Variants in AUTS2 observed in about 807,000 individuals in gnomAD.
The protein encoded by AUTS2 is autism susceptibility gene 2 protein.
In AUTS2, 17 loss-of-function variants were observed where a neutral mutation model predicts 112.4. The ratio of observed to expected loss-of-function variants is 0.15; its 90% confidence interval spans 0.10 to 0.23. The LOEUF is 0.23. AUTS2 is among the 10% of genes least tolerant of loss of function. The probability of loss-of-function intolerance (pLI) is 1.00; values close to 1 mark genes in which losing one functional copy is unlikely to be tolerated. For synonymous variants in AUTS2, 751 were observed against 702.7 expected, an observed-to-expected ratio of 1.07 and a Z score of -1.09; for missense variants, 1,510 against 1,701.6, an observed-to-expected ratio of 0.89 and a Z score of 1.98.
intron 5 of AUTS2, among the ~76,000 whole-genome samples, chr7:70,606,769 G>A (rs140192424): frequency 1.3e-3 from 194 of 151,982 alleles, no homozygotes; most frequent in African/African-American, 4.5e-3. Context: ...GACTGAGGCA[G>A]GAGAATCGCT....
chr7:70,080,713 G>C (rs1310316812), intron 2 of AUTS2, among the ~76,000 whole-genome samples: 2 of 152,146 alleles, frequency 1.3e-5, no homozygotes, highest in African/African-American at 2.4e-5. Flanking sequence ...AGGTAGTGAT[G>C]ATCTTGTGTA....
chr7:69,869,232 G>A (rs1384734469), intron 1 of AUTS2, among the ~76,000 whole-genome samples: 2 of 152,120 alleles, frequency 1.3e-5, no homozygotes, highest in East Asian at 3.9e-4. Flanking sequence ...TGTTTATTGA[G>A]CACCTATAAT....
chr7:69,719,413 A>G (rs887260421), intron 1 of AUTS2, among the ~76,000 whole-genome samples: 6 of 152,204 alleles, frequency 3.9e-5, no homozygotes, highest in Non-Finnish European at 8.8e-5. Context: ...AAGATTTAAT[A>G]GGAGGCTTTA....
At chr7:69,649,982 T>A (rs771357448) in intron 1 of AUTS2, among the ~76,000 whole-genome samples, 1 of 152,208 alleles carries the variant, frequency 6.6e-6, no homozygotes, top group Non-Finnish European at 1.5e-5. Context: ...CACACAGTCT[T>A]ATGCAGCAGC....
At chr7:70,065,615 T>G (rs771719560) in intron 2 of AUTS2, among the ~76,000 whole-genome samples, 1 of 152,102 alleles carries the variant, frequency 6.6e-6, no homozygotes, top group Non-Finnish European at 1.5e-5. Flanking sequence ...GAGAATTGCT[T>G]GAACCCGAGA....
chr7:69,981,588 C>A (rs1584523823), intron 2 of AUTS2, among the ~76,000 whole-genome samples: 1 of 152,224 alleles, frequency 6.6e-6, no homozygotes, highest in African/African-American at 2.4e-5. Context: ...TTATAACCAT[C>A]CAGATGAGTT....
At chr7:69,846,366 G>T (rs1022620205) in intron 1 of AUTS2, among the ~76,000 whole-genome samples, 1 of 152,142 alleles carries the variant, frequency 6.6e-6, no homozygotes, top group African/African-American at 2.4e-5. Flanking sequence ...TATTTGGAAG[G>T]TGGCTTTGCA....
intron 5 of AUTS2, among the ~76,000 whole-genome samples, chr7:70,446,169 G>GT (rs1796309142): frequency 6.6e-6 from 1 of 152,200 alleles, no homozygotes; most frequent in Non-Finnish European, 1.5e-5. Flanking sequence ...AGAGGTCTGG[G>GT]TCCATCAGGG....
intron 2 of AUTS2, among the ~76,000 whole-genome samples, chr7:70,111,975 GTTC>G (rs1458586944): frequency 1.3e-5 from 2 of 151,690 alleles, no homozygotes; most frequent in Non-Finnish European, 2.9e-5. Context: ...TTCTAATGAT[GTTC>G]TTCTCATTTT....
intron 4 of AUTS2, among the ~76,000 whole-genome samples, chr7:70,369,460 G>A (rs370888493): frequency 4.5e-4 from 69 of 152,204 alleles, no homozygotes; most frequent in East Asian, 4.3e-3. Context: ...AGATTAAACC[G>A]AGGCCTTGAA....
At chr7:70,058,272 C>CTTA in intron 2 of AUTS2, among the ~76,000 whole-genome samples, 2 of 152,256 alleles carry the variant, frequency 1.3e-5, no homozygotes, top group East Asian at 3.9e-4. Context: ...TGTGTAAGGA[C>CTTA]TTATTGGCTT....
At chr7:70,598,040 A>C (rs1803288697) in intron 5 of AUTS2, among the ~76,000 whole-genome samples, 1 of 152,206 alleles carries the variant, frequency 6.6e-6, no homozygotes, top group Admixed American at 6.5e-5. Flanking sequence ...TGCGTTTTAA[A>C]GTTTGCAGAG....
chr7:69,856,616 C>G (rs1385566043), intron 1 of AUTS2, among the ~76,000 whole-genome samples: 1 of 152,160 alleles, frequency 6.6e-6, no homozygotes, highest in Non-Finnish European at 1.5e-5. Context: ...TAACTAGTTG[C>G]ATAGTCTTGG....
intron 1 of AUTS2, among the ~76,000 whole-genome samples, chr7:69,891,513 C>T (rs1794517906): frequency 6.6e-6 from 1 of 152,084 alleles, no homozygotes; most frequent in Non-Finnish European, 1.5e-5. Context: ...ACGGTTGGAT[C>T]ATATGGTCGG....
chr7:70,256,822 T>C (rs907239546), intron 4 of AUTS2, among the ~76,000 whole-genome samples: 1 of 152,222 alleles, frequency 6.6e-6, no homozygotes, highest in Non-Finnish European at 1.5e-5. Flanking sequence ...TGGACAGAGA[T>C]AGAAAGTACT....
intron 2 of AUTS2, among the ~76,000 whole-genome samples, chr7:70,028,367 C>T (rs574648810): frequency 5.3e-4 from 80 of 152,292 alleles, no homozygotes; most frequent in African/African-American, 1.5e-3. Context: ...AGAACCTGGC[C>T]ACTTGATGGC....
intron 1 of AUTS2, among the ~76,000 whole-genome samples, chr7:69,766,060 G>A (rs1562868733): frequency 1.3e-5 from 2 of 152,146 alleles, no homozygotes; most frequent in Non-Finnish European, 2.9e-5. Context: ...AGAACTCTCC[G>A]TCTTGCAAAA....
At chr7:70,482,974 C>CT (rs1797849127) in intron 5 of AUTS2, among the ~76,000 whole-genome samples, 1 of 152,142 alleles carries the variant, frequency 6.6e-6, no homozygotes, top group Non-Finnish European at 1.5e-5. Context: ...CATATGTGAT[C>CT]TATTTTTCTG....
At chr7:69,815,460 G>T (rs912939059) in intron 1 of AUTS2, among the ~76,000 whole-genome samples, 18 of 152,170 alleles carry the variant, frequency 1.2e-4, no homozygotes, top group Non-Finnish European at 5.9e-5. Flanking sequence ...AAAACAGGTA[G>T]TTTATAGTAC....
Sources: gnomAD v4.1 joint callset for allele counts (sites outside exome capture counted in the v4.1 genomes callset) on GRCh38, gnomAD v4.1.1 for gene constraint, MANE v1.5 for transcripts, NCBI Gene and HGNC (gene_info 2026-07-23, HGNC 2026-07-21) for gene names.